The following TSHZ3 variants were observed in gnomAD, a reference collection of about 807,000 sequenced individuals.
The protein encoded by TSHZ3 is teashirt homolog 3.
Under a neutral mutation model 64.5 loss-of-function variants are expected in TSHZ3, and 10 were observed. The observed-to-expected ratio is 0.16, with a 90% CI of 0.10 to 0.26. The LOEUF (loss-of-function observed/expected upper bound fraction) is 0.26. Among genes scored for constraint, TSHZ3 ranks in the 10% least tolerant of loss-of-function variants. The pLI, the probability that TSHZ3 is intolerant of heterozygous loss-of-function variation, is 1.00. For missense variants in TSHZ3, 1,242 were observed against 1,421.7 expected, an observed-to-expected ratio of 0.87 and a Z score of 2.03; for synonymous variants, 608 against 593.1, an observed-to-expected ratio of 1.03 and a Z score of -0.36.
At chr19:31,175,787 C>T (rs192851342) in intron 5 of TSHZ3, among the ~76,000 whole-genome samples, 486 of 152,354 alleles carry the variant, frequency 3.2e-3, no homozygotes, top group Non-Finnish European at 5.4e-3. Context: ...TGGCCAGGAG[C>T]AGGCAGGGAG....
intron 1 of TSHZ3, among the ~76,000 whole-genome samples, chr19:31,280,960 T>C (rs1976350903): frequency 6.6e-6 from 1 of 152,134 alleles, no homozygotes; most frequent in Admixed American, 6.5e-5. Flanking sequence ...TTTTGGACAG[T>C]GAGGAGTGGC....
At chr19:31,215,835 C>A (rs1224522360) in intron 4 of TSHZ3, among the ~76,000 whole-genome samples, 1 of 152,010 alleles carries the variant, frequency 6.6e-6, no homozygotes, top group Non-Finnish European at 1.5e-5. Context: ...CGTGCCCCTG[C>A]ACTCCAGCCT....
chr19:31,295,521 C>A (rs371347955), intron 1 of TSHZ3, among the ~76,000 whole-genome samples: 74 of 152,244 alleles, frequency 4.9e-4, no homozygotes, highest in Middle Eastern at 3.4e-3. Flanking sequence ...ATCACAGCAA[C>A]AAAATATTTT....
At chr19:31,347,440 G>A (rs764165451) in intron 1 of TSHZ3, among the ~76,000 whole-genome samples, 2 of 151,922 alleles carry the variant, frequency 1.3e-5, no homozygotes, top group Non-Finnish European at 2.9e-5. Context: ...ACCTTAAAAT[G>A]TGTATCCAAA....
intron 3 of TSHZ3, among the ~76,000 whole-genome samples, chr19:31,235,544 G>A (rs1568355616): frequency 1.3e-5 from 2 of 149,604 alleles, no homozygotes; most frequent in Non-Finnish European, 3.0e-5. Flanking sequence ...ATGTGTGTAT[G>A]TGTGTGTGTG....
intron 4 of TSHZ3, among the ~76,000 whole-genome samples, chr19:31,211,734 C>T (rs944715878): frequency 1.3e-5 from 2 of 152,074 alleles, no homozygotes; most frequent in African/African-American, 2.4e-5. Context: ...CAGTGAGGAG[C>T]GGGGAGTGTG....
At chr19:31,245,242 T>TACTTAA (rs1975745686) in intron 1 of TSHZ3, among the ~76,000 whole-genome samples, 1 of 152,220 alleles carries the variant, frequency 6.6e-6, no homozygotes, top group African/African-American at 2.4e-5. Flanking sequence ...CAACATTTGC[T>TACTTAA]GTGCAACCTT....
intron 5 of TSHZ3, among the ~76,000 whole-genome samples, chr19:31,176,822 C>CA (rs1216451785): frequency 2.0e-5 from 3 of 151,890 alleles, no homozygotes; most frequent in African/African-American, 7.3e-5. Context: ...ACAACAACAA[C>CA]AACAAAAAAC....
In TSHZ3 at chr19:31,325,257, C is replaced by T. The variant is rs576542234; in HGVS notation, c.40+23923G>A. ...CCTCAGTGCTTTCACTGGTCGGGACCGGCCAGGGAATGACATGTGAACTTA... is the reference window on the plus strand; with the variant it reads ...CCTCAGTGCTTTCACTGGTCGGGACTGGCCAGGGAATGACATGTGAACTTA... On this transcript the variant is annotated intron_variant, in intron 1 of 1. Transcript: ENST00000240587. Among the ~76,000 whole-genome samples, 29 of 152,264 alleles carry T rather than the reference C, an allele frequency of 1.9e-4. No homozygotes were observed. In the South Asian group the frequency reaches 4.1e-3, roughly 22 times the overall value.
At chr19:31,164,961 C>A (rs531498222) in intron 5 of TSHZ3, among the ~76,000 whole-genome samples, 17 of 152,342 alleles carry the variant, frequency 1.1e-4, no homozygotes, top group African/African-American at 4.1e-4. Flanking sequence ...TAAAAGCGAG[C>A]GGCAGCCTCG....
At chr19:31,156,977 G>A (rs1264987071) in intron 5 of TSHZ3, among the ~76,000 whole-genome samples, 1 of 152,172 alleles carries the variant, frequency 6.6e-6, no homozygotes, top group African/African-American at 2.4e-5. Flanking sequence ...CAGCAGCGAT[G>A]AGACTGAAGG....
At chr19:31,343,611 T>G (rs1917498050) in intron 1 of TSHZ3, among the ~76,000 whole-genome samples, 1 of 152,138 alleles carries the variant, frequency 6.6e-6, no homozygotes, top group Admixed American at 6.5e-5. Flanking sequence ...GAAGATTATG[T>G]TCTATTACTG....
intron 3 of TSHZ3, among the ~76,000 whole-genome samples, chr19:31,239,198 C>T (rs547209058): frequency 1.1e-4 from 16 of 152,150 alleles, no homozygotes; most frequent in Non-Finnish European, 2.4e-4. Context: ...CTCCTTATAT[C>T]CTTCCTACAA....
chr19:31,260,201 C>A (rs556138830), intron 1 of TSHZ3, among the ~76,000 whole-genome samples: 1 of 152,236 alleles, frequency 6.6e-6, no homozygotes, highest in Admixed American at 6.5e-5. Flanking sequence ...ACCCAGCCAG[C>A]AACTTCTACT....
chr19:31,278,699 C>A lies in TSHZ3; in HGVS notation c.1094G>T (p.Arg365Leu). The A allele has an allele frequency of 2.5e-6, 4 of 1,614,094 alleles. No individual in the cohort carries two copies. The highest frequency in any genetic ancestry group is 1.1e-5 in the South Asian group (1 of 91,070). The change falls in exon 2 of 2, where the codon CGG becomes CTG. Residue 365 changes from arginine to leucine, a missense_variant. Arg to Leu is a moderately radical substitution (Grantham distance 102). Coordinates refer to ENST00000240587, the MANE Select transcript of TSHZ3 (RefSeq NM_020856.4). The surrounding 1 kb of genome is among the most constrained non-coding windows in gnomAD (Gnocchi z 4.7). ...GCTGGCCCCATTCTGGTGGCCGTAC[C>A]GATTATTTGGCGTGATGTAAGGGTT... The part of the protein sequence containing the change: ...NSNPYITPNN[R>L]YGHQNGASYA...
At chr19:31,330,427 G>C (rs927886120) in intron 1 of TSHZ3, among the ~76,000 whole-genome samples, 1 of 152,232 alleles carries the variant, frequency 6.6e-6, no homozygotes, top group Non-Finnish European at 1.5e-5. Context: ...GGACTGGCCT[G>C]ACGGCTCCCA....
At chr19:31,337,720 A>C (rs990392000) in intron 1 of TSHZ3, among the ~76,000 whole-genome samples, 1 of 145,978 alleles carries the variant, frequency 6.9e-6, no homozygotes, top group Non-Finnish European at 1.5e-5. Flanking sequence ...TTTCAAAATA[A>C]ACACACACAC....
chr19:31,263,785 G>A (rs1433565805), intron 1 of TSHZ3, among the ~76,000 whole-genome samples: 1 of 152,174 alleles, frequency 6.6e-6, no homozygotes, highest in African/African-American at 2.4e-5. Flanking sequence ...GAGGCCCTAA[G>A]TTATCTCTGG....
intron 1 of TSHZ3, among the ~76,000 whole-genome samples, chr19:31,262,694 T>C (rs919086195): frequency 6.6e-6 from 1 of 152,248 alleles, no homozygotes; most frequent in Non-Finnish European, 1.5e-5. Flanking sequence ...ACTGTTCCTA[T>C]ATTTTAATGG....
Sources: allele counts gnomAD v4.1 joint callset (sites outside exome capture counted in the v4.1 genomes callset), GRCh38; gene constraint gnomAD v4.1.1; non-coding constraint Gnocchi (gnomAD v3.1); transcripts MANE v1.5; gene names NCBI Gene and HGNC (gene_info 2026-07-23, HGNC 2026-07-21).